The following SPAG16 variants were observed in gnomAD, a reference collection of about 807,000 sequenced individuals.
SPAG16 encodes sperm-associated antigen 16 protein.
Under a neutral mutation model 80.4 loss-of-function variants are expected in SPAG16, and 86 were observed. The ratio of observed to expected loss-of-function variants is 1.07; its 90% confidence interval spans 0.90 to 1.28. The LOEUF (loss-of-function observed/expected upper bound fraction) is 1.28, where lower values mean the gene tolerates loss of function less well. SPAG16 is among the 50% of genes most tolerant of loss of function. SPAG16 has a pLI of 0.00. For missense variants in SPAG16, 870 were observed against 765.3 expected (o/e 1.14, Z -1.61); for synonymous variants, 294 against 265.9 (o/e 1.11, Z -1.03).
chr2:214,011,874 A>T (rs541830310), intron 12 of SPAG16, among the ~76,000 whole-genome samples: 2 of 152,276 alleles, frequency 1.3e-5, no homozygotes, highest in Admixed American at 6.5e-5. Context: ...AAAAATGCTG[A>T]CATTTAAGAA....
chr2:213,298,584 T>C (rs960387480), intron 3 of SPAG16, among the ~76,000 whole-genome samples: 3 of 152,226 alleles, frequency 2.0e-5, no homozygotes, highest in African/African-American at 4.8e-5. Flanking sequence ...AAGTGGATCA[T>C]TGAATGAAAA....
At chr2:213,433,740 G>A (rs569999871) in intron 9 of SPAG16, among the ~76,000 whole-genome samples, 4 of 151,906 alleles carry the variant, frequency 2.6e-5, no homozygotes, top group Non-Finnish European at 5.9e-5. Flanking sequence ...GAATTATAAA[G>A]TATAATCTTA....
At chr2:213,726,611 A>G (rs2066779625) in intron 10 of SPAG16, among the ~76,000 whole-genome samples, 1 of 152,224 alleles carries the variant, frequency 6.6e-6, no homozygotes, top group Non-Finnish European at 1.5e-5. Flanking sequence ...GTGCCCACAT[A>G]CGCACCACAC....
chr2:213,699,118 A>T (rs749583170), intron 10 of SPAG16, among the ~76,000 whole-genome samples: 6 of 152,080 alleles, frequency 3.9e-5, no homozygotes, highest in Non-Finnish European at 7.4e-5. Flanking sequence ...TTCACAGCCC[A>T]CCATTGCCAC....
intron 10 of SPAG16, among the ~76,000 whole-genome samples, chr2:213,841,006 A>C (rs967773908): frequency 6.6e-6 from 1 of 152,176 alleles, no homozygotes; most frequent in Non-Finnish European, 1.5e-5. Context: ...TCTGAAATAG[A>C]CTTCATGGCT....
chr2:213,350,982 A>C (rs150025587), intron 7 of SPAG16, among the ~76,000 whole-genome samples: 2,603 of 138,274 alleles, frequency 0.019, 68 homozygotes, highest in African/African-American at 0.055. Flanking sequence ...AAAAAAAAAA[A>C]CAAAAAACAA....
intron 15 of SPAG16, among the ~76,000 whole-genome samples, chr2:214,367,513 T>C (rs1699550954): frequency 6.6e-6 from 1 of 152,190 alleles, no homozygotes; most frequent in South Asian, 2.1e-4. Context: ...TTATGATTTA[T>C]AGTAAACACC....
chr2:213,286,304 C>T (rs2126041829), intron 1 of SPAG16, among the ~76,000 whole-genome samples: 1 of 152,232 alleles, frequency 6.6e-6, no homozygotes, highest in African/African-American at 2.4e-5. Flanking sequence ...TGTATTTTAA[C>T]CAAATGGTAG....
At chr2:213,347,492 A>G (rs962180846) in intron 6 of SPAG16, among the ~76,000 whole-genome samples, 3 of 152,156 alleles carry the variant, frequency 2.0e-5, no homozygotes, top group African/African-American at 7.2e-5. Flanking sequence ...TGTCAATTTT[A>G]GATCTTTCCT....
In SPAG16 at chr2:214,028,971, T is replaced by C. The variant is rs899843585; in HGVS notation, c.1527+14894T>C. 1.3e-5 allele frequency among the ~76,000 whole-genome samples: 2 copies of C among 152,010 alleles called. 1 individual carries two copies. ...TTTTAAAGACTAAAGTCTCTGCCTT[T>C]GGGGAGACTTTTAGTAGAAGGAGAA... On this transcript the variant is annotated intron_variant, in intron 13 of 15. Coordinates refer to ENST00000331683, the MANE Select transcript of SPAG16 (RefSeq NM_024532.5).
chr2:214,319,588 G>A (rs1307759518), intron 15 of SPAG16, among the ~76,000 whole-genome samples: 1 of 151,930 alleles, frequency 6.6e-6, no homozygotes, highest in African/African-American at 2.4e-5. Context: ...GTTGACTCTA[G>A]TGGCCAAGGC....
chr2:214,006,120 C>CT (rs149133832), intron 12 of SPAG16, among the ~76,000 whole-genome samples: 1 of 151,932 alleles, frequency 6.6e-6, no homozygotes, highest in Non-Finnish European at 1.5e-5. Context: ...ATTTTTTAAT[C>CT]TTTTTTTCAT....
intron 15 of SPAG16, among the ~76,000 whole-genome samples, chr2:214,406,424 T>G (rs1478206453): frequency 6.6e-6 from 1 of 152,138 alleles, no homozygotes; most frequent in East Asian, 1.9e-4. Flanking sequence ...CAGATAAAAT[T>G]TTACCACTCA....
At chr2:214,171,303 A>G (rs1250366068) in intron 15 of SPAG16, among the ~76,000 whole-genome samples, 1 of 151,922 alleles carries the variant, frequency 6.6e-6, no homozygotes, top group Non-Finnish European at 1.5e-5. Flanking sequence ...ACTCCTTTAC[A>G]TTGAAATAGA....
intron 9 of SPAG16, among the ~76,000 whole-genome samples, chr2:213,450,556 T>C (rs1009477855): frequency 2.0e-5 from 3 of 152,222 alleles, no homozygotes; most frequent in African/African-American, 7.2e-5. Flanking sequence ...TGAAGTTATC[T>C]TCTTTAAATT....
intron 15 of SPAG16, among the ~76,000 whole-genome samples, chr2:214,322,701 A>T (rs960225223): frequency 2.6e-4 from 39 of 152,336 alleles, no homozygotes; most frequent in African/African-American, 9.4e-4. Context: ...CTGCACACTC[A>T]TCTACCACCA....
chr2:213,830,467 C>T (rs1420202361), intron 10 of SPAG16, among the ~76,000 whole-genome samples: 3 of 152,056 alleles, frequency 2.0e-5, no homozygotes, highest in Non-Finnish European at 2.9e-5. Flanking sequence ...TAATTTCCCA[C>T]CTGATTTTTG....
At chr2:214,293,991 G>T (rs1206274203) in intron 15 of SPAG16, among the ~76,000 whole-genome samples, 1 of 152,226 alleles carries the variant, frequency 6.6e-6, no homozygotes, top group Non-Finnish European at 1.5e-5. Context: ...TTGGGTGTAT[G>T]AAATGTCTGG....
At chr2:213,895,466 T>C (rs779994697) in intron 11 of SPAG16, among the ~76,000 whole-genome samples, 6 of 152,038 alleles carry the variant, frequency 3.9e-5, no homozygotes, top group Non-Finnish European at 7.4e-5. Flanking sequence ...GCCAAAGCAA[T>C]CCTGAGCAAA....
Sources: allele counts gnomAD v4.1 joint callset (sites outside exome capture counted in the v4.1 genomes callset), GRCh38; gene constraint gnomAD v4.1.1; transcripts MANE v1.5; gene names NCBI Gene and HGNC (gene_info 2026-07-23, HGNC 2026-07-21).